Variants in WDFY3 observed in about 807,000 individuals in gnomAD.
WDFY3 encodes WD repeat and FYVE domain-containing protein 3.
Under a neutral mutation model 409.6 loss-of-function variants are expected in WDFY3, and 66 were observed. The observed-to-expected ratio is 0.16, with a 90% CI of 0.13 to 0.20. WDFY3 has a LOEUF of 0.20. Ranked by LOEUF, WDFY3 falls within the 10% of genes least tolerant of loss-of-function variation. The pLI, the probability that WDFY3 is intolerant of heterozygous loss-of-function variation, is 1.00. For missense variants in WDFY3, 3,031 were observed against 4,298.1 expected (o/e 0.71, Z 8.24); for synonymous variants, 1,521 against 1,537.1 (o/e 0.99, Z 0.25).
In WDFY3 at chr4:84,860,553, C is replaced by T; in HGVS notation, c.39G>A (p.Gln13=). ...MVKRIMGRPR[Q]EECSPQDNAL... The stretch of plus-strand genomic sequence containing the variant: ...CGTTGTCTTGTGGGCTGCACTCCTC[C>T]TGCCTCGGCCGCCCCATGATCCTCT... Residue 13 remains glutamine, a synonymous_variant, in exon 4 of 68, where the codon CAG becomes CAA. Transcript: ENST00000295888. 6.2e-7 allele frequency: 1 copy of T among 1,612,696 alleles called. No individual in the cohort carries two copies. Among genetic ancestry groups the T allele is most frequent in the Non-Finnish European group, 8.5e-7 (1 of 1,178,958 alleles).
At chr4:84,693,129 A>C in intron 58 of WDFY3, 97 bp from the exon 59 acceptor site, 1 of 1,281,080 alleles carries the variant, frequency 7.8e-7, no homozygotes, top group Non-Finnish European at 1.1e-6. Context: ...ATTAAGGTTC[A>C]CAAGAACTAT....
chr4:84,778,686 A>C (rs1453843218), intron 26 of WDFY3, 31 bp from the exon 27 acceptor site: 5 of 1,589,272 alleles, frequency 3.1e-6, no homozygotes, highest in African/African-American at 2.7e-5. Flanking sequence ...ATGCCTGTTG[A>C]TAAATCATCA....
intron 1 of WDFY3, among the ~76,000 whole-genome samples, chr4:84,961,257 GAGTAGTA>G (rs1774881826): frequency 6.7e-6 from 1 of 149,398 alleles, no homozygotes; most frequent in Non-Finnish European, 1.5e-5. Context: ...GTTTCAGAAA[GAGTAGTA>G]ACTAACTTGA....
intron 3 of WDFY3, among the ~76,000 whole-genome samples, chr4:84,878,812 CTAAA>C (rs1410276784): frequency 6.6e-6 from 1 of 152,160 alleles, no homozygotes; most frequent in Non-Finnish European, 1.5e-5. Context: ...CTGCCTGTTA[CTAAA>C]TGTCAAATCC....
chr4:84,901,919 A>G (rs1318506583), intron 2 of WDFY3, among the ~76,000 whole-genome samples: 1 of 152,192 alleles, frequency 6.6e-6, no homozygotes, highest in East Asian at 1.9e-4. Flanking sequence ...CCTGAATGCA[A>G]TATTTCCCCT....
In WDFY3 at chr4:84,696,831, A is replaced by G. The variant is rs1166422223; in HGVS notation, c.8597-8T>C. 6.2e-7 allele frequency: 1 copy of G among 1,606,690 alleles called. No individual in the cohort carries two copies. The highest frequency in any genetic ancestry group is 8.5e-7 in the Non-Finnish European group (1 of 1,175,248). On this transcript the variant is annotated splice_polypyrimidine_tract_variant and splice_region_variant and intron_variant, in intron 56 of 67. Coordinates refer to ENST00000295888, the MANE Select transcript of WDFY3 (RefSeq NM_014991.6). ...TGCCATTTTGTTTACAGCCTATGCA[A>G]TTGGATACATTAAAAATAAAAAAAA...
chr4:84,800,666 C>A (rs143872974), intron 17 of WDFY3, among the ~76,000 whole-genome samples: 1 of 152,020 alleles, frequency 6.6e-6, no homozygotes, highest in Non-Finnish European at 1.5e-5. Flanking sequence ...CATCAGGGAG[C>A]GGTTTTGTGG....
chr4:84,743,440 T>C (rs2149244756), intron 37 of WDFY3, among the ~76,000 whole-genome samples: 1 of 152,248 alleles, frequency 6.6e-6, no homozygotes, highest in African/African-American at 2.4e-5. Context: ...ATAGCAGCTG[T>C]TAAAATAATT....
At chr4:84,908,803 T>G (rs1028538169) in intron 2 of WDFY3, among the ~76,000 whole-genome samples, 4 of 152,176 alleles carry the variant, frequency 2.6e-5, no homozygotes, top group African/African-American at 7.2e-5. Flanking sequence ...GAGTTCTTAG[T>G]GTTCTAAGGT....
chr4:84,767,664 A>G (rs970219546), intron 30 of WDFY3, among the ~76,000 whole-genome samples: 1 of 152,154 alleles, frequency 6.6e-6, no homozygotes, highest in Non-Finnish European at 1.5e-5. Context: ...TTGCTGATAG[A>G]AAGTTTTACT....
chr4:84,860,015 A>G (rs1211150311), intron 4 of WDFY3, among the ~76,000 whole-genome samples: 3 of 152,240 alleles, frequency 2.0e-5, no homozygotes, highest in African/African-American at 7.2e-5. Context: ...AGCAAATTGT[A>G]ATGACTTTTT....
At chr4:84,712,039 C>G (rs1732990396) in intron 51 of WDFY3, among the ~76,000 whole-genome samples, 1 of 151,772 alleles carries the variant, frequency 6.6e-6, no homozygotes, top group Non-Finnish European at 1.5e-5. Flanking sequence ...AATGAAGAAT[C>G]ATAGCCGGGC....
intron 24 of WDFY3, among the ~76,000 whole-genome samples, chr4:84,784,178 C>T (rs1371849016): frequency 6.6e-6 from 1 of 152,122 alleles, no homozygotes; most frequent in Non-Finnish European, 1.5e-5. Flanking sequence ...CTTGATCTCC[C>T]CAACTCCATA....
chr4:84,733,686 C>A, intron 43 of WDFY3, 77 bp from the exon 44 acceptor site: 1 of 1,359,942 alleles, frequency 7.4e-7, no homozygotes. Context: ...CACTGAAAAT[C>A]AAGTTATTAT....
At position 84,907,670 on chromosome 4, in the gene WDFY3, C is replaced by A. The variant is rs533251493; in HGVS notation, c.-131-10660G>T. On this transcript the variant is annotated intron_variant, in intron 2 of 67. Transcript: ENST00000295888. ...TAATAAATGCTTGGCTTTTCTTAAGCGACTTAACTTGAATCAGCAATAAGT... is the reference window on the plus strand; with the variant it reads ...TAATAAATGCTTGGCTTTTCTTAAGAGACTTAACTTGAATCAGCAATAAGT... Among the ~76,000 whole-genome samples the A allele has an allele frequency of 6.6e-5, 10 of 152,252 alleles. No homozygotes were observed. In the South Asian group the frequency reaches 1.9e-3, roughly 28 times the overall value.
intron 4 of WDFY3, among the ~76,000 whole-genome samples, chr4:84,852,597 T>C (rs1578821499): frequency 6.6e-6 from 1 of 152,344 alleles, no homozygotes; most frequent in East Asian, 1.9e-4. Flanking sequence ...TTCAATAGTT[T>C]GACAAATGAA....
At chr4:84,878,359 G>A (rs946950687) in intron 3 of WDFY3, among the ~76,000 whole-genome samples, 1 of 152,108 alleles carries the variant, frequency 6.6e-6, no homozygotes, top group Non-Finnish European at 1.5e-5. Flanking sequence ...ACCTAAAAGT[G>A]ATCAAAGGAA....
intron 4 of WDFY3, among the ~76,000 whole-genome samples, chr4:84,850,558 C>G (rs2150113319): frequency 6.6e-6 from 1 of 152,274 alleles, no homozygotes; most frequent in East Asian, 1.9e-4. Context: ...CTCTGGTGAT[C>G]CGCCTGCCTC....
At chr4:84,798,389 A>T (rs1327851015) in intron 17 of WDFY3, among the ~76,000 whole-genome samples, 3 of 152,238 alleles carry the variant, frequency 2.0e-5, no homozygotes, top group African/African-American at 7.2e-5. Flanking sequence ...AATAAATTCC[A>T]ACAGACTAAT....
Sources: gnomAD v4.1 joint callset for allele counts (sites outside exome capture counted in the v4.1 genomes callset) on GRCh38, gnomAD v4.1.1 for gene constraint, MANE v1.5 for transcripts, NCBI Gene and HGNC (gene_info 2026-07-23, HGNC 2026-07-21) for gene names.